DUSP15: variants seen among roughly 807,000 people sequenced by gnomAD.
The protein encoded by DUSP15 is dual specificity phosphatase 15.
Under a neutral mutation model 26.3 loss-of-function variants are expected in DUSP15, and 23 were observed. The observed-to-expected ratio is 0.87, with a 90% CI of 0.63 to 1.24. DUSP15 has a LOEUF of 1.24. Among genes scored for constraint, DUSP15 ranks in the 50% most tolerant of loss-of-function variants. DUSP15 has a pLI of 0.00. For synonymous variants in DUSP15, 143 were observed against 135.5 expected, an observed-to-expected ratio of 1.06 and a Z score of -0.39; for missense variants, 364 against 320.6, an observed-to-expected ratio of 1.14 and a Z score of -1.03.
At chr20:31,868,634 C>T (rs1420606730) in intron 2 of DUSP15, among the ~76,000 whole-genome samples, 3 of 152,038 alleles carry the variant, frequency 2.0e-5, no homozygotes, top group East Asian at 3.9e-4. Context: ...CGCCTGCCAT[C>T]GTGCCTGGCT....
chr20:31,858,435 G>A (rs1382749547), downstream of DUSP15, among the ~76,000 whole-genome samples: 1 of 152,224 alleles, frequency 6.6e-6, no homozygotes, highest in Non-Finnish European at 1.5e-5. The surrounding 1 kb of genome is among the most constrained non-coding windows in gnomAD (Gnocchi z 4.4). Context: ...CCTGGATGAT[G>A]CTGGGAGGCT....
At chr20:31,848,226 G>T in exon 10 of DUSP15, 1 of 575,678 alleles carries the variant, frequency 1.7e-6, no homozygotes, top group Non-Finnish European at 2.9e-6. Context: ...ATGCCCAGCT[G>T]GGGGGCGGTG....
intron 6 of DUSP15, among the ~76,000 whole-genome samples, chr20:31,854,576 C>T (rs920247334): frequency 2.0e-5 from 3 of 152,172 alleles, no homozygotes; most frequent in Admixed American, 2.0e-4. Context: ...ACACAGGACA[C>T]CCCCAGTATG....
chr20:31,870,168 C>T lies in DUSP15; in HGVS notation c.21+149G>A, dbSNP rs186074504. On this transcript the variant is annotated intron_variant, in intron 1 of 6. Transcript: ENST00000339738. This position sits in a 1 kb window ranked among gnomAD's most constrained non-coding sequence, Gnocchi z 6.6. ...GTCAGAGAGGGGGAGACCCGACAGCCGCGGTCTCGAGTCACAGGGACACGG... is the reference window on the plus strand; with the variant it reads ...GTCAGAGAGGGGGAGACCCGACAGCTGCGGTCTCGAGTCACAGGGACACGG... 3 of 1,225,376 alleles carry T rather than the reference C, an allele frequency of 2.4e-6. No homozygotes were observed. The highest frequency in any genetic ancestry group is 4.1e-5 in the Admixed American group (1 of 24,346). The allele number at this position is 1,225,376 out of a possible 1,614,324, so 75.9% of individuals were successfully genotyped here.
rs1464356838 is a variant in DUSP15 at position 31,864,942 on chromosome 20, G to A, written c.188+11C>T. 1.2e-6 allele frequency: 2 copies of A among 1,613,610 alleles called. No individual in the cohort carries two copies. Among genetic ancestry groups the A allele is most frequent in the Non-Finnish European group, 1.7e-6 (2 of 1,179,790 alleles). On this transcript the variant is annotated intron_variant, in intron 4 of 6. Coordinates refer to ENST00000339738, the MANE Select transcript of DUSP15 (RefSeq NM_080611.5). ...GTCTGTCCATCTATGGGTCCATCCAGGGGAACTTACATGGGTACCTCAGGG... is the reference window on the plus strand; with the variant it reads ...GTCTGTCCATCTATGGGTCCATCCAAGGGAACTTACATGGGTACCTCAGGG...
intron 3 of DUSP15, among the ~76,000 whole-genome samples, chr20:31,866,404 G>T (rs964528773): frequency 5.3e-5 from 8 of 152,148 alleles, no homozygotes; most frequent in African/African-American, 1.9e-4. Context: ...TACAGATCAG[G>T]CAACTGAGGC....
At chr20:31,853,665 G>A (rs1270892669) in intron 6 of DUSP15, among the ~76,000 whole-genome samples, 1 of 151,266 alleles carries the variant, frequency 6.6e-6, no homozygotes, top group Non-Finnish European at 1.5e-5. Flanking sequence ...CCAGCCTGGT[G>A]ATCAGGGCTC....
At chr20:31,848,381 A>G in exon 10 of DUSP15, 1 of 1,606,332 alleles carries the variant, frequency 6.2e-7, no homozygotes, top group Non-Finnish European at 8.5e-7. Flanking sequence ...GGGAGTAGGG[A>G]GCCCCCCTGT....
chr20:31,846,166 GCA>G (rs72292472), downstream of DUSP15, among the ~76,000 whole-genome samples: 46,273 of 136,944 alleles, frequency 0.34, 9,253 homozygotes, highest in African/African-American at 0.59. Flanking sequence ...ACAGACATAA[GCA>G]CACACACACA....
At position 31,850,678 on chromosome 20, in the gene DUSP15, T is replaced by C. The variant is rs1449174750; in HGVS notation, c.427-2A>G. 2 of 1,610,506 alleles carry C rather than the reference T, an allele frequency of 1.2e-6. No individual in the cohort carries two copies. Among genetic ancestry groups the C allele is most frequent in the African/African-American group, 1.3e-5 (1 of 74,874 alleles). On this transcript the variant is annotated splice_acceptor_variant, in intron 6 of 9. Coordinates refer to the DUSP15 transcript ENST00000278979. LOFTEE classifies it high-confidence loss of function. The stretch of plus-strand genomic sequence containing the variant: ...TTTTGAGGTCCTATGTCTGGCACCC[T>C]GGTGAAGGAGAGGAAGCAGTCAGGC...
At chr20:31,851,883 ATT>A in intron 6 of DUSP15, among the ~76,000 whole-genome samples, 1 of 152,124 alleles carries the variant, frequency 6.6e-6, no homozygotes, top group Non-Finnish European at 1.5e-5. Flanking sequence ...ACAGCCTGCT[ATT>A]CCCTGGGCCC....
chr20:31,859,548 CCT>C (rs1487820716), downstream of DUSP15, among the ~76,000 whole-genome samples: 1 of 152,236 alleles, frequency 6.6e-6, no homozygotes, highest in Non-Finnish European at 1.5e-5. Flanking sequence ...TCCTGCTCCT[CCT>C]TTCCTCTAGC....
intron 6 of DUSP15, among the ~76,000 whole-genome samples, chr20:31,853,823 C>T (rs948940777): frequency 3.7e-4 from 56 of 152,202 alleles, no homozygotes; most frequent in African/African-American, 1.3e-3. Context: ...TGGTTGGTCT[C>T]GAACTCTTGG....
At chr20:31,868,680 A>G (rs1373461169) in intron 2 of DUSP15, among the ~76,000 whole-genome samples, 1 of 151,718 alleles carries the variant, frequency 6.6e-6, no homozygotes, top group Non-Finnish European at 1.5e-5. Context: ...GGGTTTCACT[A>G]TGTTGGCCAG....
chr20:31,846,293 GAC>G (rs71336552), downstream of DUSP15, among the ~76,000 whole-genome samples: 8,397 of 140,500 alleles, frequency 0.06, 350 homozygotes, highest in African/African-American at 0.13. Flanking sequence ...CACAGACACA[GAC>G]ACACACACAC....
intron 2 of DUSP15, among the ~76,000 whole-genome samples, chr20:31,867,888 G>A (rs921188328): frequency 2.6e-5 from 4 of 152,076 alleles, no homozygotes; most frequent in Non-Finnish European, 5.9e-5. Flanking sequence ...CTCGTGATCC[G>A]CCCGCCTTGG....
At chr20:31,863,773 TG>T in intron 5 of DUSP15, 133 bp downstream of exon 5, 1 of 845,642 alleles carries the variant, frequency 1.2e-6, no homozygotes, top group Non-Finnish European at 1.9e-6. Context: ...CAGTGAATGG[TG>T]GGCCCTCAGG....
At chr20:31,867,638 T>G (rs980545461) in intron 2 of DUSP15, among the ~76,000 whole-genome samples, 2 of 40,804 alleles carry the variant, frequency 4.9e-5, no homozygotes, top group Admixed American at 2.2e-4. Context: ...AATGTTTTTT[T>G]TTTTTTTTTT....
downstream of DUSP15, among the ~76,000 whole-genome samples, chr20:31,846,279 G>GAGAC (rs777692881): frequency 1.3e-4 from 15 of 114,466 alleles, no homozygotes; most frequent in African/African-American, 3.7e-4. Flanking sequence ...CAGAAACACA[G>GAGAC]AGACACAGAC....
Sources: allele counts gnomAD v4.1 joint callset (sites outside exome capture counted in the v4.1 genomes callset), GRCh38; gene constraint gnomAD v4.1.1; non-coding constraint Gnocchi (gnomAD v3.1); transcripts MANE v1.5; gene names NCBI Gene and HGNC (gene_info 2026-07-23, HGNC 2026-07-21).